Variants in RHOBTB3 observed in about 807,000 individuals in gnomAD.
RHOBTB3 encodes Rho related BTB domain containing 3.
Under a neutral mutation model 67.2 loss-of-function variants are expected in RHOBTB3, and 47 were observed. The ratio of observed to expected loss-of-function variants is 0.70; its 90% CI spans 0.55 to 0.89. The LOEUF is 0.89. Ranked by LOEUF, RHOBTB3 falls within the 40% of genes least tolerant of loss-of-function variation. The probability of loss-of-function intolerance (pLI) is 0.00; values close to 1 mark genes in which losing one functional copy is unlikely to be tolerated. For missense variants in RHOBTB3, 631 were observed against 750.0 expected, an observed-to-expected ratio of 0.84 and a Z score of 1.85; for synonymous variants, 273 against 274.2, an observed-to-expected ratio of 1.00 and a Z score of 0.04.
At chr5:95,783,993 G>GT (rs771556646) in intron 10 of RHOBTB3, 30 bp downstream of exon 10, 1 of 1,499,822 alleles carries the variant, frequency 6.7e-7, no homozygotes, top group Non-Finnish European at 9.0e-7. Flanking sequence ...TGATAGCCTA[G>GT]TTTTTTATAA....
chr5:95,735,174 C>T (rs1641893667), intron 2 of RHOBTB3, among the ~76,000 whole-genome samples: 1 of 151,780 alleles, frequency 6.6e-6, no homozygotes, highest in Admixed American at 6.6e-5. Context: ...CATTTTTCTG[C>T]ACTGTGTCCC....
intron 10 of RHOBTB3, among the ~76,000 whole-genome samples, chr5:95,787,444 A>C (rs1313142184): frequency 8.7e-6 from 1 of 115,350 alleles, no homozygotes; most frequent in African/African-American, 4.1e-5. Flanking sequence ...CTCTCACACT[A>C]TACAGCTTTA....
chr5:95,737,531 T>C (rs1755482207), intron 3 of RHOBTB3, among the ~76,000 whole-genome samples: 2 of 152,218 alleles, frequency 1.3e-5, no homozygotes, highest in Non-Finnish European at 2.9e-5. Flanking sequence ...AAGGATTGCT[T>C]ATTCCATGGC....
chr5:95,783,211 T>C (rs1014909273), intron 9 of RHOBTB3, among the ~76,000 whole-genome samples: 3 of 151,972 alleles, frequency 2.0e-5, no homozygotes, highest in African/African-American at 4.8e-5. Flanking sequence ...AACCTTCGCC[T>C]CCCAGGTTTT....
chr5:95,777,577 C>T (rs564143697), intron 8 of RHOBTB3, among the ~76,000 whole-genome samples: 5 of 152,276 alleles, frequency 3.3e-5, no homozygotes, highest in African/African-American at 1.2e-4. Flanking sequence ...ATTTCTTTAC[C>T]TGTATCCTAT....
At chr5:95,735,964 T>C (rs1190447318) in intron 2 of RHOBTB3, among the ~76,000 whole-genome samples, 1 of 152,112 alleles carries the variant, frequency 6.6e-6, no homozygotes, top group Non-Finnish European at 1.5e-5. Context: ...TTAGCCGGAA[T>C]GGTGGTACAC....
chr5:95,780,151 C>A, intron 8 of RHOBTB3, 101 bp from the exon 9 acceptor site: 1 of 849,184 alleles, frequency 1.2e-6, no homozygotes, highest in Non-Finnish European at 1.8e-6. Flanking sequence ...GCATATCAGC[C>A]TAGCTGTCCC....
At chr5:95,791,303 A>G (rs1746380222) in intron 11 of RHOBTB3, among the ~76,000 whole-genome samples, 1 of 152,158 alleles carries the variant, frequency 6.6e-6, no homozygotes, top group African/African-American at 2.4e-5. Context: ...AGATTTTTAT[A>G]TACTGGACTC....
chr5:95,770,133 T>C (rs1435003607), intron 8 of RHOBTB3: 1 of 262,804 alleles, frequency 3.8e-6, no homozygotes, highest in Non-Finnish European at 7.8e-6. Context: ...CAAGAAATCA[T>C]TGAGCAGTTA....
intron 6 of RHOBTB3, among the ~76,000 whole-genome samples, chr5:95,757,033 T>C (rs1745266091): frequency 6.6e-6 from 1 of 152,202 alleles, no homozygotes; most frequent in African/African-American, 2.4e-5. Context: ...GCATTCAGCT[T>C]ACGGACTGGA....
At chr5:95,776,409 GAAAAAT>G (rs1307218221) in intron 8 of RHOBTB3, among the ~76,000 whole-genome samples, 1 of 150,400 alleles carries the variant, frequency 6.6e-6, no homozygotes, top group East Asian at 1.9e-4. Context: ...CTGTCTCAAA[GAAAAAT>G]AAAAATAAAA....
chr5:95,747,577 A>C (rs1194228679), intron 3 of RHOBTB3, among the ~76,000 whole-genome samples: 3 of 152,336 alleles, frequency 2.0e-5, no homozygotes, highest in East Asian at 1.9e-4. Flanking sequence ...TTTTAGCCTT[A>C]CTAGGGATGT....
At chr5:95,722,486 A>G (rs1754914615) in intron 1 of RHOBTB3, among the ~76,000 whole-genome samples, 1 of 152,068 alleles carries the variant, frequency 6.6e-6, no homozygotes, top group South Asian at 2.1e-4. Flanking sequence ...GGTATTTTAT[A>G]ATGTAAAAGA....
intron 1 of RHOBTB3, among the ~76,000 whole-genome samples, chr5:95,723,441 G>A (rs117636653): frequency 1.4e-3 from 216 of 152,346 alleles, no homozygotes; most frequent in East Asian, 0.012. Context: ...GGAATAAAAT[G>A]AGTAAAGTCA....
intron 2 of RHOBTB3, among the ~76,000 whole-genome samples, chr5:95,734,546 C>T (rs1272854730): frequency 6.6e-6 from 1 of 152,102 alleles, no homozygotes; most frequent in South Asian, 2.1e-4. Context: ...TTAGCCTTAC[C>T]CTGGATCCTT....
At chr5:95,769,265 A>C in intron 8 of RHOBTB3, 1 of 407,682 alleles carries the variant, frequency 2.5e-6, no homozygotes, top group Non-Finnish European at 4.8e-6. Context: ...AAATGTAAAA[A>C]TATTGGAGCT....
chr5:95,743,474 A>G (rs1755657587), intron 3 of RHOBTB3, among the ~76,000 whole-genome samples: 1 of 152,030 alleles, frequency 6.6e-6, no homozygotes, highest in South Asian at 2.1e-4. Context: ...GTGTGGCTGC[A>G]GTGTGAGCCT....
At chr5:95,760,803 A>G (rs1745373518) in intron 6 of RHOBTB3, among the ~76,000 whole-genome samples, 1 of 152,210 alleles carries the variant, frequency 6.6e-6, no homozygotes, top group African/African-American at 2.4e-5. Context: ...ATATCGCATT[A>G]TATACTTAAA....
At chr5:95,718,053 T>C (rs1004840534) in intron 1 of RHOBTB3, among the ~76,000 whole-genome samples, 8 of 152,226 alleles carry the variant, frequency 5.3e-5, no homozygotes, top group Non-Finnish European at 8.8e-5. Flanking sequence ...TTTTGTAGCA[T>C]TTAAAACCAG....
Sources: allele counts gnomAD v4.1 joint callset (sites outside exome capture counted in the v4.1 genomes callset), GRCh38; gene constraint gnomAD v4.1.1; transcripts MANE v1.5; gene names NCBI Gene and HGNC (gene_info 2026-07-23, HGNC 2026-07-21).